PLCG2: variants seen among roughly 807,000 people sequenced by gnomAD.
PLCG2 encodes the protein phospholipase C gamma 2, also known as 1-phosphatidylinositol 4,5-bisphosphate phosphodiesterase gamma-2.
In PLCG2, 69 loss-of-function variants were observed where a neutral mutation model predicts 175.6. The ratio of observed to expected loss-of-function variants is 0.39; its 90% CI spans 0.32 to 0.48. The LOEUF is 0.48. PLCG2 is among the 20% of genes least tolerant of loss of function. PLCG2 has a pLI of 0.91. For missense variants in PLCG2, 1,798 were observed against 1,650.9 expected (o/e 1.09, Z -1.54); for synonymous variants, 827 against 624.0 (o/e 1.33, Z -4.85).
chr16:81,879,802 C>T (rs542130493), intron 7 of PLCG2, among the ~76,000 whole-genome samples: 11 of 152,264 alleles, frequency 7.2e-5, no homozygotes, highest in Admixed American at 2.0e-4. Flanking sequence ...CAAGTAGAAG[C>T]TGGAGGGAGG....
chr16:81,931,488 T>C lies in PLCG2; in HGVS notation c.2582-9T>C. 6.2e-7 allele frequency: 1 copy of C among 1,613,646 alleles called. No homozygotes were observed. Among genetic ancestry groups the C allele is most frequent in the South Asian group, 1.1e-5 (1 of 91,036 alleles). On this transcript the variant is annotated splice_polypyrimidine_tract_variant and intron_variant, in intron 24 of 32. Transcript: ENST00000564138. ...CTGATTGGGACATTTCTTATTCTCTTACCCCAAGTGAAAGCCCCTCAGGGA... is the reference window on the plus strand; with the variant it reads ...CTGATTGGGACATTTCTTATTCTCTCACCCCAAGTGAAAGCCCCTCAGGGA...
At chr16:81,861,655 G>T (rs568357421) in intron 5 of PLCG2, among the ~76,000 whole-genome samples, 34 of 152,174 alleles carry the variant, frequency 2.2e-4, no homozygotes, top group African/African-American at 8.0e-4. Flanking sequence ...TTCAGCCTCG[G>T]AGGTGATGCC....
intron 1 of PLCG2, among the ~76,000 whole-genome samples, chr16:81,754,980 G>A (rs542134488): frequency 6.6e-6 from 1 of 152,264 alleles, no homozygotes; most frequent in Non-Finnish European, 1.5e-5. Context: ...AACCAGCTGT[G>A]TGTCCTTAGG....
intron 2 of PLCG2, among the ~76,000 whole-genome samples, chr16:81,760,589 C>G (rs1040257931): frequency 4.0e-5 from 6 of 151,546 alleles, no homozygotes; most frequent in Non-Finnish European, 8.8e-5. Context: ...TGCTGGGCAC[C>G]CAAAAAGAAT....
At chr16:81,850,916 T>C (rs926259095) in intron 2 of PLCG2, among the ~76,000 whole-genome samples, 2 of 152,184 alleles carry the variant, frequency 1.3e-5, no homozygotes, top group East Asian at 3.8e-4. Flanking sequence ...GGCCCGCTTA[T>C]TTTTGTTTCC....
At chr16:81,836,548 C>G (rs2036008108) in intron 2 of PLCG2, among the ~76,000 whole-genome samples, 1 of 152,150 alleles carries the variant, frequency 6.6e-6, no homozygotes, top group African/African-American at 2.4e-5. Context: ...TGAGACCAGC[C>G]TGGTTAACAT....
At chr16:81,749,185 G>C (rs1909759741) in intron 1 of PLCG2, among the ~76,000 whole-genome samples, 3 of 152,068 alleles carry the variant, frequency 2.0e-5, no homozygotes, top group Admixed American at 2.0e-4. Context: ...ATTTGGGAAG[G>C]TAGGAGCTAA....
At chr16:81,852,671 A>T (rs555955985) in intron 2 of PLCG2, among the ~76,000 whole-genome samples, 1 of 152,164 alleles carries the variant, frequency 6.6e-6, no homozygotes. Context: ...TCTGTTATCT[A>T]TTGCTATACA....
At chr16:81,834,340 G>A (rs1312208114) in intron 2 of PLCG2, among the ~76,000 whole-genome samples, 4 of 152,122 alleles carry the variant, frequency 2.6e-5, no homozygotes, top group Non-Finnish European at 5.9e-5. Context: ...CTGGCTGCTG[G>A]CAGAATTGTG....
intron 7 of PLCG2, among the ~76,000 whole-genome samples, chr16:81,873,735 G>C (rs1006203459): frequency 6.6e-6 from 1 of 152,054 alleles, no homozygotes; most frequent in Admixed American, 6.6e-5. Flanking sequence ...TTTGAGACTA[G>C]CCTGGGCAAC....
intron 30 of PLCG2, among the ~76,000 whole-genome samples, chr16:81,942,918 ATT>A (rs71146055): frequency 3.4e-4 from 51 of 148,016 alleles, no homozygotes; most frequent in African/African-American, 9.8e-4. Flanking sequence ...AAAAACAATT[ATT>A]TTTTTTTTTT....
At chr16:81,767,647 T>C (rs1202413886) in intron 2 of PLCG2, 1 of 152,170 alleles carries the variant, frequency 6.6e-6, no homozygotes, top group Non-Finnish European at 1.5e-5. Flanking sequence ...GTTCTGAGGT[T>C]TTTTTTAGTT....
In PLCG2 at chr16:81,923,592, C is replaced by T; in HGVS notation, c.2415C>T (p.Gly805=). 1 of 1,593,422 alleles carries T rather than the reference C, an allele frequency of 6.3e-7. No homozygotes were observed. The highest frequency in any genetic ancestry group is 8.6e-7 in the Non-Finnish European group (1 of 1,161,642). ...LIHNVSKEPG[G]WWKGDYGTRI... ...ACAATGTCTCCAAGGAGCCCGGGGG[C>T]TGGTAAGGCTGAGTGGAGGCTGGGC... The change falls in exon 22 of 33, where the codon GGC becomes GGT. Residue 805 remains glycine, a splice_region_variant and synonymous_variant. Coordinates refer to ENST00000564138, the MANE Select transcript of PLCG2 (RefSeq NM_002661.5).
In PLCG2 at chr16:81,847,199, C is replaced by G. The variant is rs148708302; in HGVS notation, c.194-7245C>G. 8.7e-4 allele frequency among the ~76,000 whole-genome samples: 133 copies of G among 152,268 alleles called. 1 individual carries two copies. Among genetic ancestry groups the G allele is most frequent in the African/African-American group, 3.1e-3 (128 of 41,560 alleles). On this transcript the variant is annotated intron_variant, in intron 2 of 32. Coordinates refer to ENST00000564138, the MANE Select transcript of PLCG2 (RefSeq NM_002661.5). ...ATACCAGTTTATTAAAATGATATTA[C>G]AAAAGATAAAGATGATCAGCCTGAT... is the stretch of plus-strand genomic sequence containing the variant.
At chr16:81,855,080 C>T (rs1597356524) in intron 3 of PLCG2, among the ~76,000 whole-genome samples, 2 of 151,346 alleles carry the variant, frequency 1.3e-5, no homozygotes, top group African/African-American at 4.9e-5. Flanking sequence ...TGTGGTGGTG[C>T]GCACCTGTAG....
chr16:81,819,284 G>A lies in PLCG2; in HGVS notation c.193+33102G>A, dbSNP rs569249002. On this transcript the variant is annotated intron_variant, in intron 2 of 32. Transcript: ENST00000564138. ...GGCTGGGCAGAGTCAGGACATCCTG[G>A]GGGTGTTGGATTCCCAGGTGTGGAG... Among the ~76,000 whole-genome samples, 404 of 152,276 alleles carry A rather than the reference G, an allele frequency of 2.7e-3. 4 individuals carry two copies. The highest frequency in any genetic ancestry group is 4.2e-3 in the Non-Finnish European group (289 of 68,014).
At chr16:81,894,535 G>A (rs915969349) in intron 12 of PLCG2, among the ~76,000 whole-genome samples, 2 of 151,922 alleles carry the variant, frequency 1.3e-5, no homozygotes, top group African/African-American at 2.4e-5. Flanking sequence ...TTTTCCTTCC[G>A]GCCTCTCTCT....
intron 2 of PLCG2, among the ~76,000 whole-genome samples, chr16:81,772,416 AT>A (rs1022161681): frequency 6.6e-6 from 1 of 151,196 alleles, no homozygotes; most frequent in African/African-American, 2.4e-5. Flanking sequence ...ATATATCTCT[AT>A]TTTTTTTTAA....
intron 19 of PLCG2, among the ~76,000 whole-genome samples, chr16:81,915,356 C>T (rs538954463): frequency 3.3e-5 from 5 of 152,194 alleles, no homozygotes; most frequent in African/African-American, 9.7e-5. Flanking sequence ...AGAGGAGAAA[C>T]ACCTGCTTTC....
Sources: allele counts gnomAD v4.1 joint callset (sites outside exome capture counted in the v4.1 genomes callset), GRCh38; gene constraint gnomAD v4.1.1; transcripts MANE v1.5; gene names NCBI Gene and HGNC (gene_info 2026-07-23, HGNC 2026-07-21).